Variants in MDGA2 observed in about 807,000 individuals in gnomAD.
MDGA2 encodes MAM domain containing glycosylphosphatidylinositol anchor 2, also known as MAM domain-containing glycosylphosphatidylinositol anchor protein 2.
In MDGA2, 40 loss-of-function variants were observed where a neutral mutation model predicts 117.8. The ratio of observed to expected loss-of-function variants is 0.34; its 90% CI spans 0.26 to 0.44. The LOEUF is 0.44. MDGA2 is among the 20% of genes least tolerant of loss of function. The pLI, the probability that MDGA2 is intolerant of heterozygous loss-of-function variation, is 1.00. For synonymous variants in MDGA2, 452 were observed against 439.0 expected (o/e 1.03, Z -0.37); for missense variants, 1,123 against 1,250.6 (o/e 0.90, Z 1.54).
chr14:46,953,459 C>G lies in MDGA2; in HGVS notation c.2089+3915G>C, dbSNP rs184235078. ...TTCTGGAAGTTAGAAGGGCATTCTA[C>G]TTTTATCTCCTGGATTATATAGGGA... is the stretch of plus-strand genomic sequence containing the variant. On this transcript the variant is annotated intron_variant, in intron 9 of 16. Coordinates refer to ENST00000399232, the MANE Select transcript of MDGA2 (RefSeq NM_001113498.3). Among the ~76,000 whole-genome samples the G allele has an allele frequency of 5.9e-5, 9 of 151,968 alleles. No individual in the cohort carries two copies. In the East Asian group the frequency reaches 1.5e-3, roughly 26 times the overall value.
chr14:46,905,026 G>C (rs973030714), intron 10 of MDGA2, among the ~76,000 whole-genome samples: 2 of 152,138 alleles, frequency 1.3e-5, no homozygotes, highest in African/African-American at 2.4e-5. Context: ...AGAAATAATG[G>C]AACATGCAGG....
chr14:47,224,618 A>AT (rs540154424), intron 2 of MDGA2, among the ~76,000 whole-genome samples: 40 of 152,166 alleles, frequency 2.6e-4, no homozygotes, highest in Non-Finnish European at 4.6e-4. Context: ...TCCCAGCATT[A>AT]TTTGTACTCT....
rs1020701895 is a variant in MDGA2 at position 46,993,917 on chromosome 14, A to G, written c.1820-36274T>C. Among the ~76,000 whole-genome samples, 5 of 152,240 alleles carry G rather than the reference A, an allele frequency of 3.3e-5. No homozygotes were observed. In the East Asian group the frequency reaches 9.7e-4, roughly 29 times the overall value. ...GAGGTGTCCATGTTATACGTGATAC[A>G]AGTGTCTTTGCTTAGGTTGGGAACT... On this transcript the variant is annotated intron_variant, in intron 8 of 16. Transcript: ENST00000399232.
chr14:47,382,545 G>A lies in MDGA2; in HGVS notation c.281-80995C>T, dbSNP rs529650217. 5.3e-5 allele frequency among the ~76,000 whole-genome samples: 8 copies of A among 152,160 alleles called. No homozygotes were observed. In the East Asian group the frequency reaches 1.2e-3, roughly 22 times the overall value. On this transcript the variant is annotated intron_variant, in intron 1 of 16. Transcript: ENST00000399232. ...CAAACCCATCAAAAAGTGGGTGAAG[G>A]ATATGAACAGACACTTCTCGAAAGA... is the stretch of plus-strand genomic sequence containing the variant.
intron 2 of MDGA2, among the ~76,000 whole-genome samples, chr14:47,294,003 A>G (rs72682157): frequency 0.091 from 13,827 of 152,044 alleles, 754 homozygotes; most frequent in Non-Finnish European, 0.11. Context: ...ACATTTATTC[A>G]TGTAACCATG....
At chr14:47,654,218 A>T (rs2138276326) in intron 1 of MDGA2, among the ~76,000 whole-genome samples, 1 of 152,260 alleles carries the variant, frequency 6.6e-6, no homozygotes, top group African/African-American at 2.4e-5. Flanking sequence ...AGCTACATGA[A>T]AGTAAGGGTG....
At chr14:47,236,628 C>T (rs1270326715) in intron 2 of MDGA2, among the ~76,000 whole-genome samples, 4 of 152,096 alleles carry the variant, frequency 2.6e-5, no homozygotes, top group Non-Finnish European at 4.4e-5. Context: ...GATAGCATCC[C>T]ATAAGTGATT....
At chr14:47,152,589 T>C (rs1883203935) in intron 3 of MDGA2, among the ~76,000 whole-genome samples, 1 of 152,168 alleles carries the variant, frequency 6.6e-6, no homozygotes, top group African/African-American at 2.4e-5. Context: ...ATGTTCATTA[T>C]CTTCATGCAT....
intron 6 of MDGA2, among the ~76,000 whole-genome samples, chr14:47,077,318 T>C (rs550330570): frequency 6.6e-6 from 1 of 152,230 alleles, no homozygotes; most frequent in Admixed American, 6.5e-5. Context: ...ATCATAGGGT[T>C]AGTGTGAAAG....
intron 1 of MDGA2, among the ~76,000 whole-genome samples, chr14:47,582,487 C>T (rs7157951): frequency 0.28 from 42,780 of 151,572 alleles, 6,603 homozygotes; most frequent in Non-Finnish European, 0.35. Context: ...GTTCAGTGTA[C>T]GGACTTTTTG....
intron 1 of MDGA2, among the ~76,000 whole-genome samples, chr14:47,409,967 C>T (rs117146273): frequency 0.01 from 1,531 of 152,176 alleles, 10 homozygotes; most frequent in Non-Finnish European, 0.017. Context: ...GAAGTATGTA[C>T]GATAACTGAT....
intron 1 of MDGA2, among the ~76,000 whole-genome samples, chr14:47,306,675 T>TA (rs1350955359): frequency 2.0e-5 from 3 of 152,168 alleles, no homozygotes; most frequent in Non-Finnish European, 4.4e-5. Flanking sequence ...TTGGTTAAGG[T>TA]AACAGATCTG....
At chr14:47,053,087 G>C (rs1468099861) in intron 7 of MDGA2, among the ~76,000 whole-genome samples, 1 of 151,964 alleles carries the variant, frequency 6.6e-6, no homozygotes, top group African/African-American at 2.4e-5. Context: ...ACTGAAGGCT[G>C]TGAAGATGCT....
intron 6 of MDGA2, among the ~76,000 whole-genome samples, chr14:47,087,748 C>T (rs966650341): frequency 2.0e-5 from 3 of 148,090 alleles, no homozygotes; most frequent in Admixed American, 6.8e-5. Context: ...CTGAATTATG[C>T]GTTTTCATAT....
intron 1 of MDGA2, among the ~76,000 whole-genome samples, chr14:47,416,719 G>A (rs888792644): frequency 5.9e-5 from 9 of 152,130 alleles, no homozygotes; most frequent in African/African-American, 2.2e-4. Context: ...AGGAGAGATG[G>A]CACTATGCAA....
At chr14:46,971,701 G>T (rs765110778) in intron 8 of MDGA2, among the ~76,000 whole-genome samples, 3 of 151,982 alleles carry the variant, frequency 2.0e-5, no homozygotes, top group Admixed American at 6.6e-5. Flanking sequence ...ATAGCTAAAA[G>T]ACAGGTATAT....
At chr14:47,628,318 C>T (rs1241904964) in intron 1 of MDGA2, among the ~76,000 whole-genome samples, 7 of 152,140 alleles carry the variant, frequency 4.6e-5, no homozygotes, top group African/African-American at 1.7e-4. Context: ...CTATTTGTTT[C>T]ATATCTGCCT....
intron 1 of MDGA2, among the ~76,000 whole-genome samples, chr14:47,512,873 A>G (rs1193263392): frequency 6.6e-6 from 1 of 151,332 alleles, no homozygotes; most frequent in Non-Finnish European, 1.5e-5. Context: ...CAGCATTCAG[A>G]GGTGAACTTC....
chr14:47,360,394 A>AAATAAATAAAT (rs1891094252), intron 1 of MDGA2, among the ~76,000 whole-genome samples: 1 of 127,042 alleles, frequency 7.9e-6, no homozygotes, highest in African/African-American at 2.7e-5. Flanking sequence ...AATAAATAAA[A>AAATAAATAAAT]TAAAATAAAA....
Sources: gnomAD v4.1 joint callset for allele counts (sites outside exome capture counted in the v4.1 genomes callset) on GRCh38, gnomAD v4.1.1 for gene constraint, MANE v1.5 for transcripts, NCBI Gene and HGNC (gene_info 2026-07-23, HGNC 2026-07-21) for gene names.